The following HACL1 variants were observed in gnomAD, a reference collection of about 807,000 sequenced individuals.
HACL1 encodes the protein 2-hydroxyacyl-CoA lyase 1.
HACL1 carries 64 observed loss-of-function variants against 74.2 expected under a neutral mutation model. That is an observed-to-expected ratio of 0.86 (90% CI 0.70 to 1.06). HACL1 has a LOEUF of 1.06. Among genes scored for constraint, HACL1 ranks in the 50% least tolerant of loss-of-function variants. The pLI, the probability that HACL1 is intolerant of heterozygous loss-of-function variation, is 0.00. For synonymous variants in HACL1, 230 were observed against 238.8 expected (o/e 0.96, Z 0.34); for missense variants, 728 against 719.7 (o/e 1.01, Z -0.13).
intron 8 of HACL1, among the ~76,000 whole-genome samples, chr3:15,581,896 C>T (rs543126462): frequency 3.3e-5 from 5 of 152,188 alleles, no homozygotes; most frequent in Non-Finnish European, 7.3e-5. Flanking sequence ...AAACTAGCAT[C>T]CACTGAGTGC....
intron 14 of HACL1, among the ~76,000 whole-genome samples, chr3:15,567,506 C>G (rs1383613459): frequency 6.6e-6 from 1 of 151,880 alleles, no homozygotes; most frequent in African/African-American, 2.4e-5. Flanking sequence ...AGGTGTGAGC[C>G]ACCATGACTG....
intron 3 of HACL1, among the ~76,000 whole-genome samples, chr3:15,591,952 C>T (rs1381180332): frequency 1.3e-5 from 2 of 149,022 alleles, no homozygotes; most frequent in Non-Finnish European, 3.0e-5. Flanking sequence ...TATATACACA[C>T]ACTATATACA....
intron 3 of HACL1, among the ~76,000 whole-genome samples, chr3:15,592,428 G>GTAGACACACGTATACACACACGTGTATA (rs2063944020): frequency 1.1e-4 from 15 of 132,326 alleles, no homozygotes; most frequent in African/African-American, 5.1e-4. Context: ...ACACACGTAT[G>GTAGACACACGTATACACACACGTGTATA]CATGTAGACA....
chr3:15,573,131 C>T, intron 11 of HACL1, 28 bp downstream of exon 11: 1 of 1,246,806 alleles, frequency 8.0e-7, no homozygotes, highest in Non-Finnish European at 1.2e-6. Context: ...AATAAGCACT[C>T]CACATAAACT....
chr3:15,583,640 T>C (rs1035914004), intron 7 of HACL1, among the ~76,000 whole-genome samples: 5 of 141,632 alleles, frequency 3.5e-5, no homozygotes, highest in Admixed American at 1.4e-4. Context: ...ACATTTCTCT[T>C]TTTTTTTTTT....
At chr3:15,563,745 T>A (rs1165398354) in intron 15 of HACL1, among the ~76,000 whole-genome samples, 1 of 152,226 alleles carries the variant, frequency 6.6e-6, no homozygotes, top group South Asian at 2.1e-4. Flanking sequence ...AGTAGAACTT[T>A]CTGTGATGAT....
At chr3:15,563,777 C>G (rs2063386861) in intron 15 of HACL1, among the ~76,000 whole-genome samples, 1 of 152,110 alleles carries the variant, frequency 6.6e-6, no homozygotes, top group African/African-American at 2.4e-5. Flanking sequence ...AAACCTGTGC[C>G]ATCCAAGACA....
At chr3:15,584,641 G>A (rs1005277368) in intron 7 of HACL1, among the ~76,000 whole-genome samples, 1 of 152,030 alleles carries the variant, frequency 6.6e-6, no homozygotes, top group African/African-American at 2.4e-5. Context: ...AAGACCCACT[G>A]ACTCTCTGTA....
At chr3:15,578,730 G>A (rs888360593) in intron 9 of HACL1, among the ~76,000 whole-genome samples, 5 of 152,152 alleles carry the variant, frequency 3.3e-5, no homozygotes, top group Non-Finnish European at 5.9e-5. Flanking sequence ...CAAGAGAAAC[G>A]TCATCTTTGA....
chr3:15,601,481 T>C lies in HACL1; in HGVS notation c.-18A>G, dbSNP rs369402129. On this transcript the variant is annotated 5_prime_UTR_variant, in exon 1 of 17. Transcript: ENST00000321169. ...TCCGGCATCTTCCACCGAAAAGCTC[T>C]AAGCACTCACGCAGCCGGCAAACAA... 1.0e-4 allele frequency: 161 copies of C among 1,611,966 alleles called. No homozygotes were observed. In the African/African-American group the frequency reaches 2.0e-3, roughly 20 times the overall value.
At chr3:15,582,831 G>A (rs757413552) in intron 8 of HACL1, 46 bp downstream of exon 8, 2 of 886,202 alleles carry the variant, frequency 2.3e-6, no homozygotes, top group African/African-American at 1.7e-5. Flanking sequence ...AAAAAGAATT[G>A]GCACTTTCAA....
chr3:15,566,972 A>G (rs972049765), intron 14 of HACL1, among the ~76,000 whole-genome samples: 2 of 151,280 alleles, frequency 1.3e-5, no homozygotes, highest in Non-Finnish European at 2.9e-5. Context: ...GGCATGCACC[A>G]CCACATCTGG....
chr3:15,579,254 C>T (rs949905232), intron 9 of HACL1, among the ~76,000 whole-genome samples: 4 of 152,146 alleles, frequency 2.6e-5, no homozygotes, highest in African/African-American at 7.2e-5. Context: ...ATGTGATCAA[C>T]TCTCAAAAGA....
At chr3:15,570,107 C>T (rs533331315) in intron 12 of HACL1, among the ~76,000 whole-genome samples, 3 of 151,974 alleles carry the variant, frequency 2.0e-5, no homozygotes, top group Admixed American at 6.6e-5. Context: ...GAGGCCAAGG[C>T]GGGCGGATCA....
intron 2 of HACL1, among the ~76,000 whole-genome samples, chr3:15,599,914 A>T (rs74425522): frequency 0.01 from 1,571 of 152,374 alleles, 28 homozygotes; most frequent in African/African-American, 0.035. Flanking sequence ...AAAACAGTTA[A>T]GTATAGGTTC....
chr3:15,567,687 C>T (rs1421226760), intron 14 of HACL1, among the ~76,000 whole-genome samples, 157 bp downstream of exon 14: 1 of 152,208 alleles, frequency 6.6e-6, no homozygotes, highest in African/African-American at 2.4e-5. Context: ...AGAGAAAGAC[C>T]GTGGGTTACT....
intron 3 of HACL1, chr3:15,596,133 A>G (rs1458648490): frequency 7.1e-6 from 3 of 424,982 alleles, no homozygotes; most frequent in Admixed American, 3.9e-5. Flanking sequence ...AAGACAAGGT[A>G]TCATACATCA....
In HACL1 at chr3:15,582,921, G is replaced by A. The variant is rs750559156; in HGVS notation, c.623C>T (p.Ser208Phe). The change falls in exon 8 of 17, where the codon TCT (serine) becomes TTT (phenylalanine). Residue 208 changes from serine to phenylalanine, a missense_variant. Ser to Phe is a radical substitution (Grantham distance 155). Coordinates refer to ENST00000321169, the MANE Select transcript of HACL1 (RefSeq NM_012260.4). ...AETSAVCTAASVIRNAKQPLL... is the reference protein window; with the variant it reads ...AETSAVCTAAFVIRNAKQPLL... ...GGGTTGTTTGGCATTCCTAATAACA[G>A]AAGCCGCCGTGCACACAGCAGAGGT... is the stretch of plus-strand genomic sequence containing the variant. 6.2e-7 allele frequency: 1 copy of A among 1,611,476 alleles called. No homozygotes were observed. The highest frequency in any genetic ancestry group is 1.7e-5 in the Admixed American group (1 of 59,938).
At chr3:15,593,390 T>A (rs1461877156) in intron 3 of HACL1, among the ~76,000 whole-genome samples, 2 of 150,084 alleles carry the variant, frequency 1.3e-5, no homozygotes, top group Non-Finnish European at 3.0e-5. Flanking sequence ...ATTTTTTGTA[T>A]TTTTTTTTGG....
Sources: gnomAD v4.1 joint callset for allele counts (sites outside exome capture counted in the v4.1 genomes callset) on GRCh38, gnomAD v4.1.1 for gene constraint, MANE v1.5 for transcripts, NCBI Gene and HGNC (gene_info 2026-07-23, HGNC 2026-07-21) for gene names.